Variants in RCOR1 observed in about 807,000 individuals in gnomAD.
The protein encoded by RCOR1 is REST corepressor.
Under a neutral mutation model 64.0 loss-of-function variants are expected in RCOR1, and 12 were observed. That is an observed-to-expected ratio of 0.19 (90% CI 0.12 to 0.30). The LOEUF (loss-of-function observed/expected upper bound fraction) is 0.30. RCOR1 is among the 10% of genes least tolerant of loss of function. The pLI is 1.00. For synonymous variants in RCOR1, 279 were observed against 227.2 expected (o/e 1.23, Z -2.05); for missense variants, 502 against 621.2 (o/e 0.81, Z 2.04).
rs546190936 is a variant in RCOR1, at chr14:102,670,689, G to A, written c.362-11206G>A. Among the ~76,000 whole-genome samples the A allele has an allele frequency of 4.6e-5, 7 of 151,274 alleles. No individual in the cohort carries two copies. In the East Asian group the frequency reaches 1.4e-3, roughly 29 times the overall value. ...TAGAGTTTAGGATTGTAGAAAACAA[G>A]GCATGTTGTTAAAACCTGTAATTGT... On this transcript the variant is annotated intron_variant, in intron 2 of 11. Transcript: ENST00000262241.
At chr14:102,666,553 G>A (rs536174509) in intron 2 of RCOR1, among the ~76,000 whole-genome samples, 2 of 152,114 alleles carry the variant, frequency 1.3e-5, no homozygotes, top group African/African-American at 2.4e-5. Context: ...GAATCCCATC[G>A]AAGATACCAC....
chr14:102,708,613 C>A, intron 6 of RCOR1, 30 bp downstream of exon 6: 1 of 1,245,670 alleles, frequency 8.0e-7, no homozygotes, highest in Non-Finnish European at 1.2e-6. Flanking sequence ...GTTGTCTAAC[C>A]ACTTAGGGGA....
intron 3 of RCOR1, among the ~76,000 whole-genome samples, chr14:102,688,028 G>A (rs974600707): frequency 1.3e-5 from 2 of 149,976 alleles, no homozygotes; most frequent in Non-Finnish European, 3.0e-5. Flanking sequence ...GTACAGTGGC[G>A]TGATCTTGGC....
chr14:102,696,166 T>C (rs528481885), intron 3 of RCOR1, among the ~76,000 whole-genome samples: 1 of 152,272 alleles, frequency 6.6e-6, no homozygotes, highest in South Asian at 2.1e-4. Flanking sequence ...GTGTTTGTTC[T>C]CTTCTGTTGC....
At chr14:102,699,830 G>A (rs1357249217) in intron 3 of RCOR1, among the ~76,000 whole-genome samples, 1 of 151,722 alleles carries the variant, frequency 6.6e-6, no homozygotes, top group Non-Finnish European at 1.5e-5. Flanking sequence ...ACATATGGCA[G>A]TGCTATTGAC....
At position 102,692,710 on chromosome 14, in the gene RCOR1, C is replaced by CTCCTTCCTTCCTTCCTTCCTTCCTTCCT. The variant is rs35869950; in HGVS notation, c.446-8549_446-8522dup. 4.9e-4 allele frequency among the ~76,000 whole-genome samples: 58 copies of CTCCTTCCTTCCTTCCTTCCTTCCTTCCT among 118,702 alleles called. 2 individuals carry two copies. The highest frequency in any genetic ancestry group is 2.5e-3 in the East Asian group (10 of 4,016). The allele number at this position is 118,702 out of a possible 152,430, so 77.9% of individuals were successfully genotyped here. A position where few individuals can be genotyped will look rare whatever the true frequency, so the allele number is the denominator to read the frequency against. On this transcript the variant is annotated intron_variant, in intron 3 of 11. Coordinates refer to ENST00000262241, the MANE Select transcript of RCOR1 (RefSeq NM_015156.4). ...TAGCATACTTTATTCAACTACATCT[C>CTCCTTCCTTCCTTCCTTCCTTCCTTCCT]TCCTTCCTTCCTTCCTTCCTTCCTT...
intron 2 of RCOR1, among the ~76,000 whole-genome samples, chr14:102,600,371 A>C (rs1470654918): frequency 6.6e-6 from 1 of 151,006 alleles, no homozygotes; most frequent in Admixed American, 6.6e-5. Flanking sequence ...CACCGCGCCC[A>C]GCCAGTGATT....
At chr14:102,619,768 ACTGTGCCTGGC>A (rs957589220) in intron 2 of RCOR1, among the ~76,000 whole-genome samples, 1 of 152,298 alleles carries the variant, frequency 6.6e-6, no homozygotes, top group African/African-American at 2.4e-5. Context: ...TGCGTGAGCC[ACTGTGCCTGGC>A]CTGTTAAGTA....
At chr14:102,705,794 TAGAA>T (rs1027127985) in intron 4 of RCOR1, among the ~76,000 whole-genome samples, 13 of 151,782 alleles carry the variant, frequency 8.6e-5, no homozygotes, top group Admixed American at 7.9e-4. Flanking sequence ...CACAAGGAAA[TAGAA>T]AGGAATTTAA....
At chr14:102,693,707 A>T (rs1231843802) in intron 3 of RCOR1, among the ~76,000 whole-genome samples, 1 of 152,200 alleles carries the variant, frequency 6.6e-6, no homozygotes, top group Admixed American at 6.5e-5. Context: ...CAGAATCAAG[A>T]TTATTGCTGC....
In RCOR1 at chr14:102,681,957, C is replaced by A. The variant is rs200089230; in HGVS notation, c.424C>A (p.Gln142Lys). Residue 142 changes from glutamine to lysine, a missense_variant, in exon 3 of 12, where the codon CAA becomes AAA. This residue lies in a region of RCOR1 where 242 missense variants were observed against 204.9 expected (regional missense o/e 1.18). Coordinates refer to ENST00000262241, the MANE Select transcript of RCOR1 (RefSeq NM_015156.4). ...TGGCATGTTGGTCTGGTCACCCAAT[C>A]AAAATCTGTCAGAAGCAAAGTGTAA... The part of the protein sequence containing the change: ...NLGMLVWSPN[Q>K]NLSEAKLDEY... 2 of 1,613,144 alleles carry A rather than the reference C, an allele frequency of 1.2e-6. No individual in the cohort carries two copies. Among genetic ancestry groups the A allele is most frequent in the Non-Finnish European group, 1.7e-6 (2 of 1,179,138 alleles).
chr14:102,599,153 A>T (rs1370870436), intron 2 of RCOR1, among the ~76,000 whole-genome samples: 12 of 149,208 alleles, frequency 8.0e-5, no homozygotes, highest in African/African-American at 2.2e-4. Flanking sequence ...TTTTTTTGAG[A>T]TAGGGTCACA....
Position 102,592,780 on chromosome 14 carries a change from G to C in RCOR1, c.-107G>C. 1 of 1,198,998 alleles carries C rather than the reference G, an allele frequency of 8.3e-7. No individual in the cohort carries two copies. Among genetic ancestry groups the C allele is most frequent in the African/African-American group, 1.6e-5 (1 of 62,736 alleles). The allele number at this position is 1,198,998 out of a possible 1,614,324, so 74.3% of individuals were successfully genotyped here. A position where few individuals can be genotyped will look rare whatever the true frequency, so the allele number is the denominator to read the frequency against. On this transcript the variant is annotated 5_prime_UTR_variant, in exon 1 of 12. Transcript: ENST00000262241. ...GGACTCGCGCCCGTGGGCTCCCGCC[G>C]CGCCCGCCCGGCCCCGCGCCGGCCC...
intron 10 of RCOR1, among the ~76,000 whole-genome samples, chr14:102,721,913 C>T (rs1229375204): frequency 6.6e-6 from 1 of 152,126 alleles, no homozygotes; most frequent in Non-Finnish European, 1.5e-5. Flanking sequence ...AAGATGAATG[C>T]AGAATGTCCC....
At chr14:102,598,860 C>G (rs1259726570) in intron 2 of RCOR1, among the ~76,000 whole-genome samples, 1 of 151,814 alleles carries the variant, frequency 6.6e-6, no homozygotes, top group Non-Finnish European at 1.5e-5. Flanking sequence ...GTTTTACCAA[C>G]TTTTAAAGAG....
chr14:102,662,503 G>C (rs948652466), intron 2 of RCOR1: 3 of 522,782 alleles, frequency 5.7e-6, no homozygotes, highest in Non-Finnish European at 7.6e-6. Flanking sequence ...GGTCAAGCTT[G>C]TTTCTCCTGG....
intron 3 of RCOR1, among the ~76,000 whole-genome samples, chr14:102,692,559 G>A (rs1895556674): frequency 6.6e-6 from 1 of 151,832 alleles, no homozygotes; most frequent in African/African-American, 2.4e-5. Flanking sequence ...GATCTTTTCG[G>A]TATGCTTATA....
At chr14:102,631,716 C>T (rs1397680745) in intron 2 of RCOR1, among the ~76,000 whole-genome samples, 1 of 152,174 alleles carries the variant, frequency 6.6e-6, no homozygotes, top group East Asian at 1.9e-4. Context: ...ATTGAGTATG[C>T]ATGTGATGTT....
In RCOR1 at chr14:102,729,213, T is replaced by C. The variant is rs960633645; in HGVS notation, c.*2707T>C. On this transcript the variant is annotated 3_prime_UTR_variant, in exon 12 of 12. Coordinates refer to ENST00000262241, the MANE Select transcript of RCOR1 (RefSeq NM_015156.4). The stretch of plus-strand genomic sequence containing the variant: ...TTTAGTTTAGAACTCCTAAAAGATA[T>C]AAATTGTATTGCATATGCATTAAAA... 1 of 152,686 alleles carries C rather than the reference T, an allele frequency of 6.5e-6. No homozygotes were observed. The highest frequency in any genetic ancestry group is 1.5e-5 in the Non-Finnish European group (1 of 68,036). The allele number at this position is 152,686 out of a possible 1,614,324, so 9.5% of individuals were successfully genotyped here.
Sources: gnomAD v4.1 joint callset for allele counts (sites outside exome capture counted in the v4.1 genomes callset) on GRCh38, gnomAD v4.1.1 for gene constraint, gnomAD v4.1.1 regional missense constraint, MANE v1.5 for transcripts, NCBI Gene and HGNC (gene_info 2026-07-23, HGNC 2026-07-21) for gene names.